PYHIN1: variants seen among roughly 807,000 people sequenced by gnomAD.
The protein encoded by PYHIN1 is pyrin and HIN domain family member 1, also known as pyrin and HIN domain-containing protein 1.
In PYHIN1, 32 loss-of-function variants were observed where a neutral mutation model predicts 43.7. That is an observed-to-expected ratio of 0.73 (90% CI 0.55 to 0.98). The LOEUF is 0.98. Ranked by LOEUF, PYHIN1 falls within the 50% of genes least tolerant of loss-of-function variation. The pLI, the probability that PYHIN1 is intolerant of heterozygous loss-of-function variation, is 0.00. For missense variants in PYHIN1, 588 were observed against 589.5 expected (o/e 1.00, Z 0.03); for synonymous variants, 205 against 203.1 (o/e 1.01, Z -0.08).
chr1:158,977,339 G>T (rs922889699), downstream of PYHIN1, among the ~76,000 whole-genome samples: 3 of 152,120 alleles, frequency 2.0e-5, no homozygotes, highest in Non-Finnish European at 4.4e-5. Flanking sequence ...GACTCCTGGA[G>T]GGGGAATAAT....
chr1:158,944,021 A>G, intron 6 of PYHIN1, 43 bp downstream of exon 6: 1 of 1,509,944 alleles, frequency 6.6e-7, no homozygotes, highest in South Asian at 1.3e-5. Flanking sequence ...AAAGATGAAA[A>G]TCATTTGCTT....
At chr1:158,953,578 A>G (rs2101686957) in intron 7 of PYHIN1, among the ~76,000 whole-genome samples, 1 of 151,880 alleles carries the variant, frequency 6.6e-6, no homozygotes, top group Admixed American at 6.6e-5. Flanking sequence ...CAGAAAGGAC[A>G]TCCACACCAA....
chr1:158,983,664 G>A, the PYHIN1 span, among the ~76,000 whole-genome samples: 4 of 152,188 alleles, frequency 2.6e-5, no homozygotes, highest in Admixed American at 1.3e-4. Flanking sequence ...GAATGATTCA[G>A]GGCAGAGTCT....
rs763496587 is a variant in PYHIN1, at chr1:158,939,263, T to C, written c.579+16T>C. The stretch of plus-strand genomic sequence containing the variant: ...CTCAACTGAGGTACACTCTTCCTGG[T>C]CCCCTTTTGATTCATTTTCTTCAAC... On this transcript the variant is annotated intron_variant, in intron 4 of 8. Transcript: ENST00000368140. The C allele has an allele frequency of 6.3e-7, 1 of 1,587,004 alleles. No individual in the cohort carries two copies. The highest frequency in any genetic ancestry group is 1.8e-5 in the Admixed American group (1 of 56,190).
At chr1:158,989,144 A>T in the PYHIN1 span, among the ~76,000 whole-genome samples, 2 of 152,214 alleles carry the variant, frequency 1.3e-5, no homozygotes, top group East Asian at 3.8e-4. Flanking sequence ...AAGAGATAAC[A>T]TATTTTCTAG....
chr1:158,934,453 T>C (rs1648383195), intron 1 of PYHIN1, among the ~76,000 whole-genome samples: 1 of 152,208 alleles, frequency 6.6e-6, no homozygotes, highest in South Asian at 2.1e-4. Context: ...AGATTTGTTG[T>C]TGAGAATCAG....
At chr1:158,975,786 C>T (rs1651221306) in intron 8 of PYHIN1, among the ~76,000 whole-genome samples, 1 of 152,048 alleles carries the variant, frequency 6.6e-6, no homozygotes. Flanking sequence ...GGGCCTTTTA[C>T]TGAATTACAT....
intron 7 of PYHIN1, among the ~76,000 whole-genome samples, chr1:158,948,831 T>A (rs1007261441): frequency 6.6e-6 from 1 of 152,150 alleles, no homozygotes; most frequent in Non-Finnish European, 1.5e-5. Flanking sequence ...TGCCTCAGAT[T>A]GTCTCCTTAA....
intron 8 of PYHIN1, among the ~76,000 whole-genome samples, chr1:158,974,362 A>G (rs1330094548): frequency 6.6e-6 from 1 of 152,096 alleles, no homozygotes; most frequent in Non-Finnish European, 1.5e-5. Flanking sequence ...TAGAACATTT[A>G]TTAAAATTCT....
In PYHIN1 at chr1:158,933,640, C is replaced by A. The variant is rs1557819525; in HGVS notation, c.-21+1864C>A. ...TAGGCTAATAATTAACATATTTTGGCCTGCTTCTGCTATCTTCACTTCAAT... is the reference window on the plus strand; with the variant it reads ...TAGGCTAATAATTAACATATTTTGGACTGCTTCTGCTATCTTCACTTCAAT... On this transcript the variant is annotated intron_variant, in intron 1 of 8. Coordinates refer to ENST00000368140, the MANE Select transcript of PYHIN1 (RefSeq NM_152501.5). The surrounding 1 kb of genome is among the most constrained non-coding windows in gnomAD (Gnocchi z 6.3). 6.6e-6 allele frequency among the ~76,000 whole-genome samples: 1 copy of A among 151,982 alleles called. No homozygotes were observed. The highest frequency in any genetic ancestry group is 1.5e-5 in the Non-Finnish European group (1 of 67,960).
At chr1:158,937,781 T>TA (rs949757964) in intron 2 of PYHIN1, among the ~76,000 whole-genome samples, 2 of 151,716 alleles carry the variant, frequency 1.3e-5, no homozygotes, top group African/African-American at 4.8e-5. Flanking sequence ...CCGTCTCTAC[T>TA]AAAAAATACA....
In PYHIN1 at chr1:158,933,914, T is replaced by C. The variant is rs536363105; in HGVS notation, c.-21+2138T>C. Among the ~76,000 whole-genome samples, 4 of 152,268 alleles carry C rather than the reference T, an allele frequency of 2.6e-5. No homozygotes were observed. The highest frequency in any genetic ancestry group is 7.2e-5 in the African/African-American group (3 of 41,568). ...GCTTTTTAAAATTTTTTTTTAATTT[T>C]CTATTGAAAAGTACTTCCAAAAATG... On this transcript the variant is annotated intron_variant, in intron 1 of 8. Transcript: ENST00000368140. This position sits in a 1 kb window ranked among gnomAD's most constrained non-coding sequence, Gnocchi z 6.3.
chr1:158,952,108 G>GTTTTTTT (rs35079460), intron 7 of PYHIN1, among the ~76,000 whole-genome samples: 1 of 118,156 alleles, frequency 8.5e-6, no homozygotes, highest in Non-Finnish European at 1.7e-5. Flanking sequence ...GCCTGTGTCG[G>GTTTTTTT]TTTTTTTTTT....
intron 7 of PYHIN1, among the ~76,000 whole-genome samples, chr1:158,953,363 T>G (rs1649696801): frequency 6.6e-6 from 1 of 150,528 alleles, no homozygotes; most frequent in African/African-American, 2.4e-5. Context: ...CTGACAGCTT[T>G]GAAGAGAGCA....
Position 158,952,106 on chromosome 1 carries a change from C to A in PYHIN1, c.1359+7064C>A, listed in dbSNP as rs1308702047. On this transcript the variant is annotated intron_variant, in intron 7 of 8. Transcript: ENST00000368140. Reference sequence around the variant, plus strand: ...GCCTAGGCGCCGCTTTTGCCTGTGTCGGTTTTTTTTTTTTTTTTTTTTCCT... The same window carrying A: ...GCCTAGGCGCCGCTTTTGCCTGTGTAGGTTTTTTTTTTTTTTTTTTTTCCT... 3.3e-5 allele frequency among the ~76,000 whole-genome samples: 4 copies of A among 121,586 alleles called. No individual in the cohort carries two copies. In the East Asian group the frequency reaches 9.6e-4, roughly 29 times the overall value. The allele number at this position is 121,586 out of a possible 152,430, so 79.8% of individuals were successfully genotyped here.
In PYHIN1 at chr1:158,938,279, T is replaced by C. The variant is rs77924414; in HGVS notation, c.266-118T>C. The C allele has an allele frequency of 3.4e-3, 3,710 of 1,089,900 alleles. 73 individuals are homozygous for C. The African/African-American group carries it at 0.048, about 14-fold the overall frequency. 67.5% of individuals were successfully genotyped at this position (1,089,900 alleles called of 1,614,324 possible). A position where few individuals can be genotyped will look rare whatever the true frequency, so the allele number is the denominator to read the frequency against. ...CCAGACTAGGCTAATGCAATAGAGA[T>C]AGACTAAAATACACCTGAACCCTCA... On this transcript the variant is annotated intron_variant, in intron 2 of 8. Coordinates refer to ENST00000368140, the MANE Select transcript of PYHIN1 (RefSeq NM_152501.5).
chr1:158,980,743 A>G (rs1651456475), downstream of PYHIN1, among the ~76,000 whole-genome samples: 1 of 152,154 alleles, frequency 6.6e-6, no homozygotes. Context: ...CGCTGAACAT[A>G]GACGCTTATC....
At chr1:158,981,155 T>C (rs1651471089), downstream of PYHIN1, among the ~76,000 whole-genome samples, 1 of 152,180 alleles carries the variant, frequency 6.6e-6, no homozygotes, top group South Asian at 2.1e-4. Context: ...TCTAAACCAC[T>C]GTTAATGGCC....
At chr1:158,939,656 A>G (rs1258776894) in intron 4 of PYHIN1, 3 of 771,746 alleles carry the variant, frequency 3.9e-6, no homozygotes, top group Non-Finnish European at 6.6e-6. Flanking sequence ...TACCTGGCCA[A>G]CCCTATCCAC....
Sources: gnomAD v4.1 joint callset for allele counts (sites outside exome capture counted in the v4.1 genomes callset) on GRCh38, gnomAD v4.1.1 for gene constraint, Gnocchi (gnomAD v3.1) non-coding constraint, MANE v1.5 for transcripts, NCBI Gene and HGNC (gene_info 2026-07-23, HGNC 2026-07-21) for gene names.